Variants in HECW2 observed in about 807,000 individuals in gnomAD.
HECW2 encodes the protein E3 ubiquitin-protein ligase HECW2.
In HECW2, 61 loss-of-function variants were observed where a neutral mutation model predicts 175.2. The ratio of observed to expected loss-of-function variants is 0.35; its 90% confidence interval spans 0.28 to 0.43. The LOEUF is 0.43. Among genes scored for constraint, HECW2 ranks in the 20% least tolerant of loss-of-function variants. The probability of loss-of-function intolerance (pLI) is 1.00; values close to 1 mark genes in which losing one functional copy is unlikely to be tolerated. For synonymous variants in HECW2, 671 were observed against 731.0 expected, an observed-to-expected ratio of 0.92 and a Z score of 1.32; for missense variants, 1,524 against 2,000.5, an observed-to-expected ratio of 0.76 and a Z score of 4.54.
At chr2:196,408,522 C>T (rs1695024486) in intron 2 of HECW2, among the ~76,000 whole-genome samples, 1 of 152,064 alleles carries the variant, frequency 6.6e-6, no homozygotes, top group Admixed American at 6.5e-5. Context: ...AGAGGATTGC[C>T]ATAATTAGGT....
intron 1 of HECW2, among the ~76,000 whole-genome samples, chr2:196,565,025 T>C (rs1251607108): frequency 6.6e-6 from 1 of 150,508 alleles, no homozygotes; most frequent in African/African-American, 2.5e-5. Context: ...GCCTAGCTAA[T>C]AATGAATTAA....
At chr2:196,465,822 T>C (rs1696930034) in intron 1 of HECW2, among the ~76,000 whole-genome samples, 1 of 151,976 alleles carries the variant, frequency 6.6e-6, no homozygotes, top group South Asian at 2.1e-4. Flanking sequence ...TTCTATTCCT[T>C]TAGCCTCATG....
intron 1 of HECW2, among the ~76,000 whole-genome samples, chr2:196,491,906 A>T (rs995944638): frequency 6.6e-6 from 1 of 152,196 alleles, no homozygotes; most frequent in Non-Finnish European, 1.5e-5. Context: ...ATTACAAAGC[A>T]CTATAATTCC....
At chr2:196,340,462 T>C (rs1692705689) in intron 3 of HECW2, among the ~76,000 whole-genome samples, 1 of 151,658 alleles carries the variant, frequency 6.6e-6, no homozygotes, top group Non-Finnish European at 1.5e-5. Context: ...CCGGGCATGG[T>C]GATGCATACC....
chr2:196,386,257 A>AGGATGG (rs915745916), intron 2 of HECW2, among the ~76,000 whole-genome samples: 2 of 152,222 alleles, frequency 1.3e-5, no homozygotes, highest in African/African-American at 4.8e-5. Context: ...TATAGTGTAT[A>AGGATGG]GGATGGTTAT....
chr2:196,532,796 T>A (rs888198414), intron 1 of HECW2, among the ~76,000 whole-genome samples: 1 of 150,204 alleles, frequency 6.7e-6, no homozygotes, highest in Non-Finnish European at 1.5e-5. Context: ...ATTTTACTTA[T>A]AGTAACACTA....
chr2:196,242,668 A>G (rs11693944), intron 19 of HECW2: 92,101 of 147,506 alleles, frequency 0.62, 29,193 homozygotes, highest in Non-Finnish European at 0.67. Context: ...CTCACCAAAA[A>G]ACTCCTCATG....
chr2:196,272,856 T>A (rs1689790006), intron 16 of HECW2, among the ~76,000 whole-genome samples: 1 of 151,450 alleles, frequency 6.6e-6, no homozygotes, highest in Admixed American at 6.6e-5. Flanking sequence ...GCTTTAAAAT[T>A]CCATGTGCAG....
chr2:196,276,933 A>C (rs1337544498), intron 15 of HECW2, among the ~76,000 whole-genome samples: 1 of 152,226 alleles, frequency 6.6e-6, no homozygotes, highest in African/African-American at 2.4e-5. Flanking sequence ...CTTATACAAA[A>C]TATATGGCTA....
chr2:196,254,301 T>C (rs1348733184), intron 18 of HECW2, among the ~76,000 whole-genome samples: 1 of 152,210 alleles, frequency 6.6e-6, no homozygotes, highest in Non-Finnish European at 1.5e-5. Context: ...TACATGTTTG[T>C]TTGAAAATCA....
intron 2 of HECW2, among the ~76,000 whole-genome samples, chr2:196,424,555 T>C (rs1443213926): frequency 1.3e-5 from 2 of 152,062 alleles, no homozygotes; most frequent in Non-Finnish European, 2.9e-5. Flanking sequence ...ATACGAATGA[T>C]AAGAAAGTGA....
chr2:196,382,515 A>C (rs972323100), intron 2 of HECW2, among the ~76,000 whole-genome samples: 1 of 152,070 alleles, frequency 6.6e-6, no homozygotes, highest in Non-Finnish European at 1.5e-5. Flanking sequence ...TTTTTTAAAA[A>C]ATTAGAAACT....
chr2:196,232,116 A>C (rs1688082038), intron 21 of HECW2, among the ~76,000 whole-genome samples: 1 of 152,204 alleles, frequency 6.6e-6, no homozygotes, highest in African/African-American at 2.4e-5. Context: ...TGAGGCTTTC[A>C]GACACAATAG....
chr2:196,369,222 T>C (rs1693838235), intron 2 of HECW2, among the ~76,000 whole-genome samples: 1 of 152,240 alleles, frequency 6.6e-6, no homozygotes. Flanking sequence ...AGTAACAGCG[T>C]GAGTCTTGCA....
chr2:196,407,721 G>T (rs1695001911), intron 2 of HECW2, among the ~76,000 whole-genome samples: 1 of 152,184 alleles, frequency 6.6e-6, no homozygotes, highest in African/African-American at 2.4e-5. Flanking sequence ...ACAATGTATT[G>T]AACTGTGTGT....
chr2:196,418,593 C>G (rs1695323225), intron 2 of HECW2, among the ~76,000 whole-genome samples: 1 of 152,144 alleles, frequency 6.6e-6, no homozygotes, highest in South Asian at 2.1e-4. Context: ...ACATCTATGA[C>G]TGCTTAGAGC....
chr2:196,209,821 T>C (rs1358378200), intron 28 of HECW2, among the ~76,000 whole-genome samples: 4 of 151,082 alleles, frequency 2.6e-5, no homozygotes, highest in African/African-American at 9.8e-5. Flanking sequence ...TGGAGCGCAG[T>C]GGTGCGATCT....
chr2:196,310,768 T>TTTTGTGTGTGTGTGTG (rs1691464894), intron 10 of HECW2, among the ~76,000 whole-genome samples: 2 of 148,216 alleles, frequency 1.3e-5, no homozygotes, highest in South Asian at 4.3e-4. Context: ...AGCAACGATT[T>TTTTGTGTGTGTGTGTG]TGTGTGTGTG....
chr2:196,233,304 G>A (rs1688126456), intron 21 of HECW2, among the ~76,000 whole-genome samples: 1 of 152,112 alleles, frequency 6.6e-6, no homozygotes. Context: ...ATGTAGTCTG[G>A]AGCCCCAAGT....
Sources: allele counts gnomAD v4.1 joint callset (sites outside exome capture counted in the v4.1 genomes callset), GRCh38; gene constraint gnomAD v4.1.1; transcripts MANE v1.5; gene names NCBI Gene and HGNC (gene_info 2026-07-23, HGNC 2026-07-21).